Variants in PLXNA4 observed in about 807,000 individuals in gnomAD.
PLXNA4 encodes the protein plexin-A4.
In PLXNA4, 44 loss-of-function variants were observed where a neutral mutation model predicts 191.8. The ratio of observed to expected loss-of-function variants is 0.23; its 90% confidence interval spans 0.18 to 0.29. PLXNA4 has a LOEUF of 0.29. Among genes scored for constraint, PLXNA4 ranks in the 10% least tolerant of loss-of-function variants. The probability of loss-of-function intolerance (pLI) is 1.00; values close to 1 mark genes in which losing one functional copy is unlikely to be tolerated. For missense variants in PLXNA4, 1,800 were observed against 2,488.8 expected (o/e 0.72, Z 5.89); for synonymous variants, 1,082 against 1,009.5 (o/e 1.07, Z -1.36).
intron 3 of PLXNA4, among the ~76,000 whole-genome samples, chr7:132,359,334 C>T (rs4731866): frequency 0.21 from 31,577 of 151,082 alleles, 3,931 homozygotes; most frequent in East Asian, 0.38. Context: ...AGTTCTCCTG[C>T]CTCAGCCTCC....
intron 9 of PLXNA4, among the ~76,000 whole-genome samples, chr7:132,212,933 A>G (rs962659932): frequency 6.6e-5 from 10 of 152,244 alleles, no homozygotes; most frequent in South Asian, 2.1e-4. Context: ...ACTGAAAACA[A>G]GGACTCAGAA....
intron 1 of PLXNA4, among the ~76,000 whole-genome samples, chr7:132,560,294 C>T (rs1800983783): frequency 6.6e-6 from 1 of 152,198 alleles, no homozygotes; most frequent in Non-Finnish European, 1.5e-5. Flanking sequence ...CTCTATAGCA[C>T]TCTGGGTGCT....
intron 25 of PLXNA4, among the ~76,000 whole-genome samples, chr7:132,158,379 G>A (rs2116624269): frequency 6.6e-6 from 1 of 152,244 alleles, no homozygotes; most frequent in South Asian, 2.1e-4. Flanking sequence ...TGGATTAGAG[G>A]TGTCTGAGGG....
intron 2 of PLXNA4, among the ~76,000 whole-genome samples, chr7:132,595,656 G>A (rs970375905): frequency 6.6e-6 from 1 of 152,142 alleles, no homozygotes; most frequent in Non-Finnish European, 1.5e-5. Context: ...CCTGATTCTC[G>A]TTCAGTCAGT....
At chr7:132,423,847 C>T (rs1439033306) in intron 3 of PLXNA4, among the ~76,000 whole-genome samples, 2 of 152,188 alleles carry the variant, frequency 1.3e-5, no homozygotes, top group Non-Finnish European at 2.9e-5. Flanking sequence ...CATAGCAACA[C>T]ATGGGGATGG....
At chr7:132,135,203 T>C (rs281874) in intron 30 of PLXNA4, among the ~76,000 whole-genome samples, 140,805 of 152,276 alleles carry the variant, frequency 0.92, 65,231 homozygotes, top group East Asian at 1. Flanking sequence ...TTGTAAAAAG[T>C]GTGAACAAAT....
intron 14 of PLXNA4, among the ~76,000 whole-genome samples, chr7:132,190,671 G>T (rs576799754): frequency 6.6e-6 from 1 of 152,328 alleles, no homozygotes; most frequent in East Asian, 1.9e-4. Context: ...TCAGGGGTGG[G>T]GGCCTGGCTG....
chr7:132,474,650 A>G (rs1047896723), intron 3 of PLXNA4, among the ~76,000 whole-genome samples: 5 of 152,120 alleles, frequency 3.3e-5, no homozygotes, highest in Admixed American at 6.5e-5. Context: ...GCGCGCACGC[A>G]CACACACACA....
intron 1 of PLXNA4, among the ~76,000 whole-genome samples, chr7:132,513,642 AG>A (rs1391551433): frequency 9.7e-6 from 1 of 102,950 alleles, no homozygotes; most frequent in Non-Finnish European, 2.1e-5. Context: ...GGTGAGTCAC[AG>A]GTGTTTTTTG....
intron 4 of PLXNA4, among the ~76,000 whole-genome samples, chr7:132,271,608 T>C (rs1440699355): frequency 6.6e-6 from 1 of 152,148 alleles, no homozygotes; most frequent in Non-Finnish European, 1.5e-5. Flanking sequence ...ATAATCCATG[T>C]TGAATTTCTG....
Position 132,188,618 on chromosome 7 carries a change from C to T in PLXNA4, c.2857-1011G>A, listed in dbSNP as rs188683099. 2.6e-4 allele frequency among the ~76,000 whole-genome samples: 39 copies of T among 152,252 alleles called. 2 individuals carry two copies. Among genetic ancestry groups the T allele is most frequent in the African/African-American group, 8.7e-4 (36 of 41,556 alleles). ...GCAGACCACAGCTCCTGACCTGCCT[C>T]ACCAGGTCTCAGCACCCTGTCTCTG... On this transcript the variant is annotated intron_variant, in intron 14 of 31. Transcript: ENST00000321063.
chr7:132,261,011 C>G (rs1210209664), intron 4 of PLXNA4, among the ~76,000 whole-genome samples: 1 of 152,168 alleles, frequency 6.6e-6, no homozygotes, highest in Non-Finnish European at 1.5e-5. Flanking sequence ...CTCAAATTTG[C>G]TGTGAACCTA....
chr7:132,160,250 A>C (rs1795909235), intron 24 of PLXNA4, among the ~76,000 whole-genome samples: 1 of 152,226 alleles, frequency 6.6e-6, no homozygotes. Context: ...CTTTAAAAAT[A>C]AAAAGATGCC....
At chr7:132,622,606 T>C (rs539738871) in intron 2 of PLXNA4, among the ~76,000 whole-genome samples, 1 of 152,194 alleles carries the variant, frequency 6.6e-6, no homozygotes, top group Admixed American at 6.5e-5. Flanking sequence ...ATTTCTTCCA[T>C]TTTCTGGTCC....
At chr7:132,557,948 A>C (rs564851700) in intron 1 of PLXNA4, among the ~76,000 whole-genome samples, 9 of 152,324 alleles carry the variant, frequency 5.9e-5, no homozygotes, top group Admixed American at 2.0e-4. Context: ...AGAGAGAGAG[A>C]GACAATCAAA....
intron 4 of PLXNA4, among the ~76,000 whole-genome samples, chr7:132,247,527 TC>T (rs1249763931): frequency 6.6e-6 from 1 of 152,162 alleles, no homozygotes; most frequent in African/African-American, 2.4e-5. Flanking sequence ...CTTGTCACTG[TC>T]CCCGAGCAGA....
chr7:132,405,894 C>G (rs1585092202), intron 3 of PLXNA4, among the ~76,000 whole-genome samples: 1 of 152,180 alleles, frequency 6.6e-6, no homozygotes, highest in African/African-American at 2.4e-5. Flanking sequence ...ACCTGTAATG[C>G]ACTCAGATAT....
chr7:132,569,068 A>C (rs1410089071), intron 1 of PLXNA4, among the ~76,000 whole-genome samples: 1 of 152,138 alleles, frequency 6.6e-6, no homozygotes, highest in East Asian at 1.9e-4. Context: ...AAGTGAGGGG[A>C]GTTGACTCAT....
intron 1 of PLXNA4, among the ~76,000 whole-genome samples, chr7:132,574,189 C>T (rs1802118631): frequency 2.0e-5 from 3 of 152,264 alleles, no homozygotes; most frequent in South Asian, 2.1e-4. Flanking sequence ...GATCCTGAGG[C>T]TGCGAATACA....
Sources: gnomAD v4.1 joint callset for allele counts (sites outside exome capture counted in the v4.1 genomes callset) on GRCh38, gnomAD v4.1.1 for gene constraint, MANE v1.5 for transcripts, NCBI Gene and HGNC (gene_info 2026-07-23, HGNC 2026-07-21) for gene names.